Variants in DNAJC11 observed in about 807,000 individuals in gnomAD.
DNAJC11 encodes DnaJ heat shock protein family (Hsp40) member C11.
In DNAJC11, 15 loss-of-function variants were observed where a neutral mutation model predicts 78.6. That is an observed-to-expected ratio of 0.19 (90% CI 0.13 to 0.29). DNAJC11 has a LOEUF of 0.29. Among genes scored for constraint, DNAJC11 ranks in the 10% least tolerant of loss-of-function variants. The probability of loss-of-function intolerance (pLI) is 1.00; values close to 1 mark genes in which losing one functional copy is unlikely to be tolerated. For synonymous variants in DNAJC11, 292 were observed against 272.1 expected, an observed-to-expected ratio of 1.07 and a Z score of -0.72; for missense variants, 547 against 709.6, an observed-to-expected ratio of 0.77 and a Z score of 2.60.
intron 7 of DNAJC11, among the ~76,000 whole-genome samples, chr1:6,649,537 G>A (rs1293909336): frequency 6.6e-6 from 1 of 152,094 alleles, no homozygotes; most frequent in African/African-American, 2.4e-5. Flanking sequence ...TGTTTCGCAG[G>A]CTCTCTCCCA....
intron 3 of DNAJC11, among the ~76,000 whole-genome samples, chr1:6,678,051 T>C (rs1228533010): frequency 6.6e-6 from 1 of 152,154 alleles, no homozygotes; most frequent in Non-Finnish European, 1.5e-5. Context: ...GAGACAGAAC[T>C]GCACCCTTGA....
chr1:6,678,598 T>C (rs1396615142), intron 2 of DNAJC11, 131 bp from the exon 3 acceptor site: 1 of 712,316 alleles, frequency 1.4e-6, no homozygotes, highest in Non-Finnish European at 2.3e-6. Context: ...TAGAGACCCC[T>C]TTCATTTTCT....
chr1:6,659,853 C>T (rs1016473357), intron 4 of DNAJC11, among the ~76,000 whole-genome samples: 14 of 151,988 alleles, frequency 9.2e-5, no homozygotes, highest in South Asian at 4.2e-4. Flanking sequence ...GTCAGGAGAT[C>T]GAAACCATCC....
At chr1:6,649,325 G>A (rs549115930) in intron 7 of DNAJC11, among the ~76,000 whole-genome samples, 10 of 151,724 alleles carry the variant, frequency 6.6e-5, no homozygotes, top group African/African-American at 2.4e-4. Context: ...GCCCGCCACC[G>A]CTCCCGGCTA....
chr1:6,652,461 G>A (rs1642070168), intron 6 of DNAJC11, among the ~76,000 whole-genome samples: 7 of 152,032 alleles, frequency 4.6e-5, no homozygotes, highest in Admixed American at 2.6e-4. Context: ...ACGGAATTTT[G>A]CTCTTGTCCC....
intron 10 of DNAJC11, among the ~76,000 whole-genome samples, chr1:6,642,779 T>C (rs927937193): frequency 1.3e-5 from 2 of 152,174 alleles, no homozygotes; most frequent in African/African-American, 4.8e-5. Context: ...CGAGTTCTGT[T>C]TGGATACGTG....
At chr1:6,694,436 T>G (rs1346505373) in intron 1 of DNAJC11, among the ~76,000 whole-genome samples, 4 of 152,078 alleles carry the variant, frequency 2.6e-5, no homozygotes, top group Non-Finnish European at 5.9e-5. Flanking sequence ...CTTGCTCATT[T>G]CCTCCTATAC....
chr1:6,636,244 A>G lies in DNAJC11; in HGVS notation c.1527T>C (p.Ala509=), dbSNP rs753899585. 3 of 1,613,906 alleles carry G rather than the reference A, an allele frequency of 1.9e-6. No individual in the cohort carries two copies. Among genetic ancestry groups the G allele is most frequent in the Non-Finnish European group, 2.5e-6 (3 of 1,179,980 alleles). Residue 509 remains alanine, a splice_region_variant and synonymous_variant, in exon 15 of 16, where the codon GCT becomes GCC. Transcript: ENST00000377577. ...SKLILTEASK[A]GLPGFYDPCV... is the part of the protein sequence containing the mutation. ...ACGGGTCATAAAAGCCAGGCAGCCCAGCCTGTAACAAACAAATTGCTACTC... is the reference window on the plus strand; with the variant it reads ...ACGGGTCATAAAAGCCAGGCAGCCCGGCCTGTAACAAACAAATTGCTACTC...
chr1:6,670,747 C>T (rs905982976), intron 3 of DNAJC11: 1 of 152,158 alleles, frequency 6.6e-6, no homozygotes, highest in Non-Finnish European at 1.5e-5. Flanking sequence ...GGTTCTATTT[C>T]GTGAACAAGA....
chr1:6,654,857 G>C (rs2148734465), intron 4 of DNAJC11, among the ~76,000 whole-genome samples: 1 of 151,280 alleles, frequency 6.6e-6, no homozygotes, highest in East Asian at 2.0e-4. Flanking sequence ...GCAGTGCAGT[G>C]GCACGATCTT....
chr1:6,697,545 C>A (rs76958934), intron 1 of DNAJC11, among the ~76,000 whole-genome samples: 1,910 of 152,262 alleles, frequency 0.013, 34 homozygotes, highest in African/African-American at 0.044. Context: ...AGAGCTCAGG[C>A]GGTGATGCTT....
At chr1:6,696,782 T>C (rs1440396083) in intron 1 of DNAJC11, among the ~76,000 whole-genome samples, 1 of 152,252 alleles carries the variant, frequency 6.6e-6, no homozygotes, top group Non-Finnish European at 1.5e-5. Context: ...CTTCATTTTT[T>C]ACTTAACTGT....
intron 14 of DNAJC11, 52 bp from the exon 15 acceptor site, chr1:6,636,298 ACTC>A (rs775966237): frequency 1.9e-5 from 30 of 1,601,920 alleles, no homozygotes; most frequent in South Asian, 1.0e-4. Context: ...TAAGACCAGC[ACTC>A]CTCCTCACTA....
intron 3 of DNAJC11, among the ~76,000 whole-genome samples, 176 bp downstream of exon 3, chr1:6,678,218 A>T (rs1642502512): frequency 6.6e-6 from 1 of 152,240 alleles, no homozygotes; most frequent in Non-Finnish European, 1.5e-5. Context: ...AGAGTTACAA[A>T]GTGGCAAAGC....
rs143942112 is a variant in DNAJC11, at chr1:6,636,709, CTGAA to C, written c.1525-467_1525-464del. ...CCTTACTGAGTGGTGAAAGAAATGACTGAATGAAGAGAATAGCTCCAACGTGGGT... is the reference window on the plus strand; with the variant it reads ...CCTTACTGAGTGGTGAAAGAAATGACTGAAGAGAATAGCTCCAACGTGGGT... On this transcript the variant is annotated intron_variant, in intron 14 of 15. Coordinates refer to ENST00000377577, the MANE Select transcript of DNAJC11 (RefSeq NM_018198.4). Among the ~76,000 whole-genome samples the C allele has an allele frequency of 5.2e-3, 791 of 152,264 alleles. 6 individuals are homozygous for C. Among genetic ancestry groups the C allele is most frequent in the African/African-American group, 0.018 (733 of 41,558 alleles).
At chr1:6,644,277 G>A (rs548740370) in intron 10 of DNAJC11, among the ~76,000 whole-genome samples, 1 of 152,216 alleles carries the variant, frequency 6.6e-6, no homozygotes, top group Admixed American at 6.5e-5. Context: ...GGGATTATAG[G>A]CGTGTGCCAC....
intron 9 of DNAJC11, 84 bp from the exon 10 acceptor site, chr1:6,644,758 C>T (rs570254093): frequency 8.4e-7 from 1 of 1,185,684 alleles, no homozygotes; most frequent in Admixed American, 1.8e-5. Context: ...GGCCAGGTAC[C>T]TTCCCTTCCC....
At position 6,651,190 on chromosome 1, in the gene DNAJC11, T is replaced by C. The variant is rs772954394; in HGVS notation, c.704+339A>G. 5 of 566,356 alleles carry C rather than the reference T, an allele frequency of 8.8e-6. No individual in the cohort carries two copies. In the African/African-American group the frequency reaches 9.4e-5, roughly 11 times the overall value. The allele number at this position is 566,356 out of a possible 1,614,324, so 35.1% of individuals were successfully genotyped here. A position where few individuals can be genotyped will look rare whatever the true frequency, so the allele number is the denominator to read the frequency against. ...GGCAGTCTGTCATTCTCTGGGACAATGGAACGATCCATAAGTCTGTAAGTG... is the reference window on the plus strand; with the variant it reads ...GGCAGTCTGTCATTCTCTGGGACAACGGAACGATCCATAAGTCTGTAAGTG... On this transcript the variant is annotated intron_variant, in intron 7 of 15. Coordinates refer to ENST00000377577, the MANE Select transcript of DNAJC11 (RefSeq NM_018198.4).
At chr1:6,701,486 GTGCACGCGGCGCAC>G (rs1642927667) in intron 1 of DNAJC11, among the ~76,000 whole-genome samples, 1 of 152,238 alleles carries the variant, frequency 6.6e-6, no homozygotes, top group South Asian at 2.1e-4. Flanking sequence ...CCCGGACACA[GTGCACGCGGCGCAC>G]TGGCCTTCAG....
Sources: allele counts gnomAD v4.1 joint callset (sites outside exome capture counted in the v4.1 genomes callset), GRCh38; gene constraint gnomAD v4.1.1; transcripts MANE v1.5; gene names NCBI Gene and HGNC (gene_info 2026-07-23, HGNC 2026-07-21).